The following PTPRG variants were observed in gnomAD, a reference collection of about 807,000 sequenced individuals.
The protein encoded by PTPRG is protein tyrosine phosphatase receptor type G, also known as receptor-type tyrosine-protein phosphatase gamma.
In PTPRG, 102 loss-of-function variants were observed where a neutral mutation model predicts 165.3. The observed-to-expected ratio is 0.62, with a 90% confidence interval of 0.53 to 0.73. The LOEUF (loss-of-function observed/expected upper bound fraction) is 0.73. Ranked by LOEUF, PTPRG falls within the 30% of genes least tolerant of loss-of-function variation. The pLI is 0.00. For synonymous variants in PTPRG, 675 were observed against 669.5 expected (o/e 1.01, Z -0.13); for missense variants, 1,866 against 1,861.4 (o/e 1.00, Z -0.05).
intron 1 of PTPRG, among the ~76,000 whole-genome samples, chr3:61,716,067 G>C (rs1022165330): frequency 3.3e-5 from 5 of 152,154 alleles, no homozygotes; most frequent in African/African-American, 1.2e-4. Flanking sequence ...CAGAATCACA[G>C]GGAAGCTTCA....
chr3:61,926,409 T>C (rs527619578), intron 2 of PTPRG, among the ~76,000 whole-genome samples: 4 of 152,226 alleles, frequency 2.6e-5, no homozygotes, highest in African/African-American at 7.2e-5. Context: ...ACTCCAGCCA[T>C]GTGATACGTG....
At chr3:61,922,162 A>T (rs568381628) in intron 2 of PTPRG, among the ~76,000 whole-genome samples, 2 of 152,326 alleles carry the variant, frequency 1.3e-5, no homozygotes, top group South Asian at 4.1e-4. Context: ...CCCCAGCAGT[A>T]TGCTATTTCT....
At chr3:62,126,985 C>G (rs1335744350) in intron 5 of PTPRG, among the ~76,000 whole-genome samples, 1 of 152,114 alleles carries the variant, frequency 6.6e-6, no homozygotes, top group Non-Finnish European at 1.5e-5. Context: ...ATATCAGAAA[C>G]TAAGACCATT....
intron 2 of PTPRG, among the ~76,000 whole-genome samples, chr3:61,917,008 T>C (rs1209671978): frequency 6.6e-6 from 1 of 152,242 alleles, no homozygotes; most frequent in Non-Finnish European, 1.5e-5. Context: ...TGTTTTCTTC[T>C]GAAGCCTTCG....
At chr3:61,924,597 T>C (rs1238628990) in intron 2 of PTPRG, among the ~76,000 whole-genome samples, 1 of 152,194 alleles carries the variant, frequency 6.6e-6, no homozygotes, top group African/African-American at 2.4e-5. Flanking sequence ...AAGACAGCTA[T>C]GGAAGAAATA....
chr3:62,196,736 AT>A (rs765433813), intron 10 of PTPRG, among the ~76,000 whole-genome samples: 10 of 152,222 alleles, frequency 6.6e-5, no homozygotes, highest in Non-Finnish European at 1.5e-4. Flanking sequence ...GGGAAAACTT[AT>A]CTGTCAAATA....
intron 2 of PTPRG, among the ~76,000 whole-genome samples, chr3:61,960,252 G>T (rs1409158011): frequency 6.6e-6 from 1 of 151,660 alleles, no homozygotes; most frequent in Non-Finnish European, 1.5e-5. Flanking sequence ...TCCAGTAGGA[G>T]CCCCGTAAAT....
intron 2 of PTPRG, among the ~76,000 whole-genome samples, chr3:61,877,333 T>C (rs2037769375): frequency 6.6e-6 from 1 of 152,198 alleles, no homozygotes; most frequent in South Asian, 2.1e-4. Flanking sequence ...ATTGGAGAGA[T>C]GTTTGAGAAT....
chr3:61,753,728 G>A, intron 2 of PTPRG: 4 of 389,796 alleles, frequency 1.0e-5, no homozygotes, highest in Non-Finnish European at 2.0e-5. Flanking sequence ...CAAGTAGCTG[G>A]GATTATAGGT....
chr3:62,148,145 C>A (rs1478544013), intron 6 of PTPRG, among the ~76,000 whole-genome samples: 1 of 152,074 alleles, frequency 6.6e-6, no homozygotes, highest in Non-Finnish European at 1.5e-5. Context: ...GACTCTATCT[C>A]AAAAATAAAT....
chr3:62,131,468 A>G (rs1703510929), intron 5 of PTPRG, among the ~76,000 whole-genome samples: 1 of 152,166 alleles, frequency 6.6e-6, no homozygotes, highest in South Asian at 2.1e-4. Flanking sequence ...ATTTTCAGTC[A>G]CCTTAAAATT....
chr3:61,622,733 C>T (rs1475811314), intron 1 of PTPRG, among the ~76,000 whole-genome samples: 2 of 152,046 alleles, frequency 1.3e-5, no homozygotes, highest in African/African-American at 2.4e-5. Context: ...AATAGTCTTA[C>T]CTTAGTAGAC....
chr3:61,689,781 A>C (rs2030047828), intron 1 of PTPRG, among the ~76,000 whole-genome samples: 1 of 152,226 alleles, frequency 6.6e-6, no homozygotes, highest in Admixed American at 6.5e-5. Context: ...AAATGATGAC[A>C]AAATAGAAGA....
At chr3:61,870,621 T>C (rs972134401) in intron 2 of PTPRG, among the ~76,000 whole-genome samples, 2 of 148,058 alleles carry the variant, frequency 1.4e-5, no homozygotes, top group Non-Finnish European at 3.0e-5. Context: ...GCTCAGGTGA[T>C]CCACCCACCT....
chr3:62,053,016 A>G (rs1700512238), intron 4 of PTPRG, among the ~76,000 whole-genome samples: 1 of 152,170 alleles, frequency 6.6e-6, no homozygotes, highest in Non-Finnish European at 1.5e-5. Context: ...CATTTCTTAG[A>G]TCACAGAGTC....
At chr3:61,847,723 G>C (rs1225234371) in intron 2 of PTPRG, among the ~76,000 whole-genome samples, 1 of 151,994 alleles carries the variant, frequency 6.6e-6, no homozygotes, top group African/African-American at 2.4e-5. Flanking sequence ...TGGAAATCCA[G>C]AACAAAACAA....
At position 61,659,266 on chromosome 3, in the gene PTPRG, C is replaced by A. The variant is rs912619665; in HGVS notation, c.86-89612C>A. 7 of 972,870 alleles carry A rather than the reference C, an allele frequency of 7.2e-6. No homozygotes were observed. In the African/African-American group the frequency reaches 1.2e-4, roughly 17 times the overall value. The allele number at this position is 972,870 out of a possible 1,614,324, so 60.3% of individuals were successfully genotyped here. On this transcript the variant is annotated intron_variant, in intron 1 of 29. Coordinates refer to ENST00000474889, the MANE Select transcript of PTPRG (RefSeq NM_002841.4). The stretch of plus-strand genomic sequence containing the variant: ...TCTCAGGGCTTCATATAGGCATATA[C>A]AATGTATGTTTTCTTTCATCGACAA...
chr3:61,767,212 C>G (rs1295042144), intron 2 of PTPRG, among the ~76,000 whole-genome samples: 1 of 112,942 alleles, frequency 8.9e-6, no homozygotes, highest in Non-Finnish European at 1.7e-5. Context: ...CCACTGCACT[C>G]TAGCCTTGTG....
intron 4 of PTPRG, among the ~76,000 whole-genome samples, chr3:62,019,720 A>G (rs1464726162): frequency 6.6e-6 from 1 of 152,192 alleles, no homozygotes; most frequent in East Asian, 1.9e-4. Context: ...GAGTCATTCC[A>G]CAATATATTT....
Sources: allele counts gnomAD v4.1 joint callset (sites outside exome capture counted in the v4.1 genomes callset), GRCh38; gene constraint gnomAD v4.1.1; transcripts MANE v1.5; gene names NCBI Gene and HGNC (gene_info 2026-07-23, HGNC 2026-07-21).